CDK5RAP2: variants seen among roughly 807,000 people sequenced by gnomAD.
CDK5RAP2 encodes CDK5 regulatory subunit associated protein 2, also known as CDK5 regulatory subunit-associated protein 2.
CDK5RAP2 carries 147 observed loss-of-function variants against 232.9 expected under a neutral mutation model. The ratio of observed to expected loss-of-function variants is 0.63; its 90% CI spans 0.55 to 0.72. The LOEUF (loss-of-function observed/expected upper bound fraction) is 0.72. Ranked by LOEUF, CDK5RAP2 falls within the 30% of genes least tolerant of loss-of-function variation. CDK5RAP2 has a pLI of 0.00. For synonymous variants in CDK5RAP2, 833 were observed against 833.7 expected (o/e 1.00, Z 0.01); for missense variants, 2,195 against 2,231.5 (o/e 0.98, Z 0.33).
At chr9:120,543,794 G>A (rs535664536) in intron 5 of CDK5RAP2, among the ~76,000 whole-genome samples, 55 of 152,146 alleles carry the variant, frequency 3.6e-4, no homozygotes, top group Non-Finnish European at 7.2e-4. Flanking sequence ...GGAGGCGGAG[G>A]TTGCAGTGAG....
intron 32 of CDK5RAP2, chr9:120,406,218 G>A (rs1037918334): frequency 6.6e-6 from 1 of 152,292 alleles, no homozygotes; most frequent in Non-Finnish European, 1.5e-5. Context: ...AAAGCAGGCT[G>A]GCATTCCTCA....
intron 32 of CDK5RAP2, among the ~76,000 whole-genome samples, chr9:120,405,645 AT>A (rs767454005): frequency 6.6e-6 from 1 of 152,246 alleles, no homozygotes; most frequent in Non-Finnish European, 1.5e-5. Context: ...TGTACAGACT[AT>A]TTAGAAGGTG....
rs1588202083 is a variant in CDK5RAP2 at position 120,388,945 on chromosome 9, G to A, written c.*291C>T. The A allele has an allele frequency of 3.8e-6, 2 of 520,572 alleles. No individual in the cohort carries two copies. The highest frequency in any genetic ancestry group is 6.5e-5 in the East Asian group (2 of 30,652). 32.2% of individuals were successfully genotyped at this position (520,572 alleles called of 1,614,324 possible). A position where few individuals can be genotyped will look rare whatever the true frequency, so the allele number is the denominator to read the frequency against. ...TGGCTGAGTACTAAGCAAATCCAGGGGAAGACGTGAAGCCCACCAAGGCGC... is the reference window on the plus strand; with the variant it reads ...TGGCTGAGTACTAAGCAAATCCAGGAGAAGACGTGAAGCCCACCAAGGCGC... On this transcript the variant is annotated 3_prime_UTR_variant, in exon 38 of 38. Transcript: ENST00000349780.
chr9:120,399,762 C>T (rs1006036087), intron 35 of CDK5RAP2, among the ~76,000 whole-genome samples: 1 of 152,090 alleles, frequency 6.6e-6, no homozygotes, highest in African/African-American at 2.4e-5. Context: ...ACCAGCTAAA[C>T]GTGGGCCAAA....
In CDK5RAP2 at chr9:120,458,571, T is replaced by C. The variant is rs1304683028; in HGVS notation, c.2254A>G (p.Thr752Ala). 6.2e-7 allele frequency: 1 copy of C among 1,614,178 alleles called. No individual in the cohort carries two copies. Among genetic ancestry groups the C allele is most frequent in the South Asian group, 1.1e-5 (1 of 91,090 alleles). Residue 752 changes from threonine (T) to alanine (A), a missense_variant, in exon 20 of 38, where the codon ACG (threonine) becomes GCG (alanine). Transcript: ENST00000349780. ...TCACAATCTGAAATCTTAGACTCCG[T>C]GTGCCTTAAGTATCCATTTTTGCAG... is the stretch of plus-strand genomic sequence containing the variant. Reference protein sequence around the residue: ...GGCKNGYLRHTESKISDCDGA... With the variant: ...GGCKNGYLRHAESKISDCDGA...
At chr9:120,556,729 C>T (rs1247219602) in intron 3 of CDK5RAP2, among the ~76,000 whole-genome samples, 16 of 152,120 alleles carry the variant, frequency 1.1e-4, no homozygotes, top group Admixed American at 1.0e-3. Context: ...ACACCCGGCC[C>T]ATAAATACAA....
chr9:120,453,759 T>A lies in CDK5RAP2; in HGVS notation c.2490A>T (p.Lys830Asn), dbSNP rs2036602026. The A allele has an allele frequency of 1.9e-6, 3 of 1,614,126 alleles. No homozygotes were observed. The Admixed American group carries it at 5.0e-5, about 27-fold the overall frequency. ...TTTGGACAAAATGTACAAGTTCACC[T>A]TTTTGCTTAGGTGTCTTCTCAGTTT... Reference protein sequence around the residue: ...DGKTEKTPKQKGELVHFVQTN... With the variant: ...DGKTEKTPKQNGELVHFVQTN... The change falls in exon 21 of 38, where the codon AAA (lysine) becomes AAT (asparagine). Residue 830 changes from lysine (K) to asparagine (N), a missense_variant. Coordinates refer to ENST00000349780, the MANE Select transcript of CDK5RAP2 (RefSeq NM_018249.6).
chr9:120,414,926 G>A, intron 28 of CDK5RAP2, 114 bp downstream of exon 28: 1 of 1,309,792 alleles, frequency 7.6e-7, no homozygotes, highest in South Asian at 1.2e-5. Flanking sequence ...CTCCAAGATG[G>A]AAAAATGAAC....
chr9:120,423,591 CAT>C (rs2034700842), intron 25 of CDK5RAP2, among the ~76,000 whole-genome samples: 1 of 152,182 alleles, frequency 6.6e-6, no homozygotes, highest in Non-Finnish European at 1.5e-5. Context: ...AAAGGAAGCA[CAT>C]GAGCCTAGAT....
chr9:120,475,774 A>G (rs1371048899), intron 15 of CDK5RAP2, among the ~76,000 whole-genome samples: 2 of 152,170 alleles, frequency 1.3e-5, no homozygotes, highest in Non-Finnish European at 2.9e-5. Context: ...GAAGATCAAC[A>G]TGGCAGGGAG....
chr9:120,451,072 T>C (rs1024803911), intron 21 of CDK5RAP2, among the ~76,000 whole-genome samples: 1 of 152,370 alleles, frequency 6.6e-6, no homozygotes, highest in Middle Eastern at 3.4e-3. Flanking sequence ...GTGTGTCATA[T>C]GGCAGCAGAA....
At chr9:120,511,128 A>G (rs2040060926) in intron 12 of CDK5RAP2, among the ~76,000 whole-genome samples, 1 of 152,182 alleles carries the variant, frequency 6.6e-6, no homozygotes, top group Non-Finnish European at 1.5e-5. Flanking sequence ...TCCAAGCTCA[A>G]TTTTCAGCAG....
At chr9:120,497,486 G>C (rs2039364365) in intron 12 of CDK5RAP2, among the ~76,000 whole-genome samples, 1 of 122,926 alleles carries the variant, frequency 8.1e-6, no homozygotes, top group Non-Finnish European at 1.7e-5. Flanking sequence ...ATTCTTCAAA[G>C]TATGACGAGA....
chr9:120,443,272 A>G (rs2035998604), intron 23 of CDK5RAP2, among the ~76,000 whole-genome samples: 1 of 152,092 alleles, frequency 6.6e-6, no homozygotes, highest in Non-Finnish European at 1.5e-5. Flanking sequence ...GAATACTAAC[A>G]GGCTGTTGGG....
chr9:120,496,752 C>T (rs1175181406), intron 12 of CDK5RAP2, among the ~76,000 whole-genome samples: 11 of 130,188 alleles, frequency 8.4e-5, no homozygotes, highest in Admixed American at 3.6e-4. Context: ...GTCAGCCCCC[C>T]GCCCGGCCAG....
intron 13 of CDK5RAP2, among the ~76,000 whole-genome samples, chr9:120,489,519 T>C (rs2038783847): frequency 6.6e-6 from 1 of 152,190 alleles, no homozygotes; most frequent in African/African-American, 2.4e-5. Context: ...CTTAATTTTC[T>C]CTCCCATTTT....
intron 3 of CDK5RAP2, among the ~76,000 whole-genome samples, chr9:120,559,190 A>C (rs1360129459): frequency 6.6e-6 from 1 of 152,222 alleles, no homozygotes; most frequent in Non-Finnish European, 1.5e-5. Context: ...GTAAAACATA[A>C]GAATTTAAAA....
chr9:120,530,591 C>T (rs982438082), intron 7 of CDK5RAP2, among the ~76,000 whole-genome samples: 1 of 152,112 alleles, frequency 6.6e-6, no homozygotes, highest in East Asian at 1.9e-4. Context: ...CACTGACTTT[C>T]AAGATAAAAC....
rs1308152314 is a variant in CDK5RAP2 at position 120,389,128 on chromosome 9, T to C, written c.*108A>G. 6 of 948,106 alleles carry C rather than the reference T, an allele frequency of 6.3e-6. No individual in the cohort carries two copies. The highest frequency in any genetic ancestry group is 9.9e-6 in the Non-Finnish European group (6 of 607,992). The allele number at this position is 948,106 out of a possible 1,614,324, so 58.7% of individuals were successfully genotyped here. A position where few individuals can be genotyped will look rare whatever the true frequency, so the allele number is the denominator to read the frequency against. On this transcript the variant is annotated 3_prime_UTR_variant, in exon 38 of 38. Coordinates refer to ENST00000349780, the MANE Select transcript of CDK5RAP2 (RefSeq NM_018249.6). ...CATGAAGGGAAAAAATAGATTTCCT[T>C]TGGCCAGACAGCTCTTTCTTCCTCA...
Sources: gnomAD v4.1 joint callset for allele counts (sites outside exome capture counted in the v4.1 genomes callset) on GRCh38, gnomAD v4.1.1 for gene constraint, MANE v1.5 for transcripts, NCBI Gene and HGNC (gene_info 2026-07-23, HGNC 2026-07-21) for gene names.